PRR16: variants seen among roughly 807,000 people sequenced by gnomAD.
The protein encoded by PRR16 is proline rich 16.
A neutral mutation model predicts 18.2 loss-of-function variants in PRR16; 6 were observed. The observed-to-expected ratio is 0.33, with a 90% CI of 0.18 to 0.65. The LOEUF (loss-of-function observed/expected upper bound fraction) is 0.65. Among genes scored for constraint, PRR16 ranks in the 30% least tolerant of loss-of-function variants. The pLI is 0.74. For missense variants in PRR16, 412 were observed against 376.6 expected (o/e 1.09, Z -0.78); for synonymous variants, 151 against 147.8 (o/e 1.02, Z -0.16).
At chr5:120,651,616 T>C (rs942816570) in intron 1 of PRR16, among the ~76,000 whole-genome samples, 2 of 152,294 alleles carry the variant, frequency 1.3e-5, no homozygotes, top group Admixed American at 6.5e-5. Flanking sequence ...TTTTGTCAGG[T>C]TTGTCAAAGA....
the PRR16 span, among the ~76,000 whole-genome samples, chr5:120,732,706 C>A: frequency 6.6e-6 from 1 of 152,130 alleles, no homozygotes; most frequent in Non-Finnish European, 1.5e-5. Flanking sequence ...ACCTGTGTAA[C>A]CTTACCCCAT....
chr5:120,747,339 A>C, the PRR16 span, among the ~76,000 whole-genome samples: 7 of 152,272 alleles, frequency 4.6e-5, no homozygotes, highest in South Asian at 1.4e-3. Flanking sequence ...CTTTTTAGTT[A>C]ATTTGATATG....
intron 1 of PRR16, among the ~76,000 whole-genome samples, chr5:120,572,487 A>G (rs1752938758): frequency 6.6e-6 from 1 of 152,160 alleles, no homozygotes; most frequent in African/African-American, 2.4e-5. Flanking sequence ...CAGACATTTC[A>G]TTTTGTACAT....
intron 1 of PRR16, among the ~76,000 whole-genome samples, chr5:120,549,102 CT>C (rs1752168167): frequency 6.6e-6 from 1 of 151,910 alleles, no homozygotes; most frequent in Non-Finnish European, 1.5e-5. Flanking sequence ...TTGCATGTTT[CT>C]CTTTTATTGA....
the PRR16 span, among the ~76,000 whole-genome samples, chr5:120,777,304 A>G: frequency 5.3e-5 from 8 of 152,126 alleles, no homozygotes; most frequent in African/African-American, 1.4e-4. Context: ...ACATTTATCA[A>G]TAAGAGGTTA....
chr5:120,579,902 T>C (rs935948674), intron 1 of PRR16, among the ~76,000 whole-genome samples: 6 of 152,208 alleles, frequency 3.9e-5, no homozygotes, highest in Non-Finnish European at 8.8e-5. Flanking sequence ...TCCTCTCTTA[T>C]TTCCTTGAGC....
intron 1 of PRR16, among the ~76,000 whole-genome samples, chr5:120,496,658 C>G (rs974777652): frequency 9.9e-5 from 15 of 151,448 alleles, no homozygotes; most frequent in African/African-American, 2.9e-4. Context: ...AAAAAGGGCT[C>G]TATATTTGAT....
the PRR16 span, among the ~76,000 whole-genome samples, chr5:120,743,362 T>G: frequency 6.6e-6 from 1 of 152,086 alleles, no homozygotes; most frequent in Non-Finnish European, 1.5e-5. Context: ...GTCTCACCAC[T>G]GGTATATTTC....
At chr5:120,510,992 G>A (rs1750808389) in intron 1 of PRR16, among the ~76,000 whole-genome samples, 1 of 152,120 alleles carries the variant, frequency 6.6e-6, no homozygotes, top group Non-Finnish European at 1.5e-5. Context: ...TCTCAGCTTT[G>A]CCATCTCAGA....
chr5:120,671,783 A>G lies in PRR16; in HGVS notation c.160-14171A>G, dbSNP rs149907270. ...ATCACGTGAATCTTCTCTCTATGAAAGTGCCATACTTTTTAAATATGTGTG... is the reference window on the plus strand; with the variant it reads ...ATCACGTGAATCTTCTCTCTATGAAGGTGCCATACTTTTTAAATATGTGTG... On this transcript the variant is annotated intron_variant, in intron 1 of 1. Transcript: ENST00000407149. 2.1e-3 allele frequency among the ~76,000 whole-genome samples: 318 copies of G among 152,284 alleles called. 1 individual carries two copies. The highest frequency in any genetic ancestry group is 6.9e-3 in the African/African-American group (287 of 41,566).
At chr5:120,589,484 A>G (rs1318558035) in intron 1 of PRR16, among the ~76,000 whole-genome samples, 1 of 152,118 alleles carries the variant, frequency 6.6e-6, no homozygotes, top group African/African-American at 2.4e-5. Flanking sequence ...ATAAGGCTGT[A>G]GATTTAGGGT....
At chr5:120,670,270 A>G (rs1038266046) in intron 1 of PRR16, among the ~76,000 whole-genome samples, 4 of 152,150 alleles carry the variant, frequency 2.6e-5, no homozygotes, top group Non-Finnish European at 4.4e-5. Context: ...ATTAAACAAC[A>G]TGAATGGCTT....
At chr5:120,520,060 A>G (rs928333758) in intron 1 of PRR16, among the ~76,000 whole-genome samples, 1 of 152,170 alleles carries the variant, frequency 6.6e-6, no homozygotes, top group Admixed American at 6.5e-5. Flanking sequence ...TGAAAGCACA[A>G]TAGGTTTATT....
chr5:120,563,452 T>C (rs562176129), intron 1 of PRR16, among the ~76,000 whole-genome samples: 1 of 152,304 alleles, frequency 6.6e-6, no homozygotes, highest in Non-Finnish European at 1.5e-5. Context: ...CAAACCACAA[T>C]ACAAAGATCC....
chr5:120,677,905 C>CTTTTTTT lies in PRR16; in HGVS notation c.160-8033_160-8027dup, dbSNP rs386404833. 2.8e-3 allele frequency among the ~76,000 whole-genome samples: 259 copies of CTTTTTTT among 93,178 alleles called. 1 individual carries two copies. The highest frequency in any genetic ancestry group is 6.5e-3 in the East Asian group (19 of 2,912). 61.1% of individuals were successfully genotyped at this position (93,178 alleles called of 152,430 possible). ...ACTAAACTGCTTTTTCTTTTTCTTT[C>CTTTTTTT]TTTTTTTTTTTTTTTTTTTTTTGAG... On this transcript the variant is annotated intron_variant, in intron 1 of 1. Transcript: ENST00000407149.
At chr5:120,783,446 G>C in the PRR16 span, among the ~76,000 whole-genome samples, 60 of 152,020 alleles carry the variant, frequency 3.9e-4, 1 homozygote, top group South Asian at 0.01. Context: ...GTACTAGATA[G>C]GTAGAATGGC....
At chr5:120,751,215 T>C in the PRR16 span, among the ~76,000 whole-genome samples, 1 of 152,192 alleles carries the variant, frequency 6.6e-6, no homozygotes, top group Admixed American at 6.6e-5. Context: ...TAATTTCATA[T>C]TTTGGCTATT....
intron 1 of PRR16, among the ~76,000 whole-genome samples, chr5:120,588,430 C>T (rs1426629081): frequency 6.6e-6 from 1 of 152,126 alleles, no homozygotes; most frequent in Non-Finnish European, 1.5e-5. Flanking sequence ...TTGCCACAGC[C>T]ATCCCAACCT....
chr5:120,484,238 G>T (rs1440891310), intron 1 of PRR16, among the ~76,000 whole-genome samples: 1 of 149,980 alleles, frequency 6.7e-6, no homozygotes, highest in Non-Finnish European at 1.5e-5. Flanking sequence ...TAAAACATTC[G>T]AAATGATTAC....
Sources: allele counts gnomAD v4.1 joint callset (sites outside exome capture counted in the v4.1 genomes callset), GRCh38; gene constraint gnomAD v4.1.1; transcripts MANE v1.5; gene names NCBI Gene and HGNC (gene_info 2026-07-23, HGNC 2026-07-21).